Variants in FBXL7 observed in about 807,000 individuals in gnomAD.
FBXL7 encodes the protein F-box and leucine rich repeat protein 7.
Under a neutral mutation model 38.3 loss-of-function variants are expected in FBXL7, and 12 were observed. The observed-to-expected ratio is 0.31, with a 90% confidence interval of 0.20 to 0.51. The LOEUF (loss-of-function observed/expected upper bound fraction) is 0.51, where lower values mean the gene tolerates loss of function less well. FBXL7 is among the 20% of genes least tolerant of loss of function. The pLI, the probability that FBXL7 is intolerant of heterozygous loss-of-function variation, is 0.98. For missense variants in FBXL7, 567 were observed against 676.4 expected, an observed-to-expected ratio of 0.84 and a Z score of 1.79; for synonymous variants, 297 against 300.9, an observed-to-expected ratio of 0.99 and a Z score of 0.13.
chr5:15,711,588 G>C (rs1391454384), intron 2 of FBXL7, among the ~76,000 whole-genome samples: 1 of 152,156 alleles, frequency 6.6e-6, no homozygotes, highest in East Asian at 1.9e-4. Context: ...GAATTAAGTA[G>C]AGATTATGGC....
chr5:15,597,883 T>C (rs1241367073), intron 1 of FBXL7, among the ~76,000 whole-genome samples: 1 of 152,236 alleles, frequency 6.6e-6, no homozygotes, highest in Non-Finnish European at 1.5e-5. Flanking sequence ...AAAGCTATTA[T>C]ATTTTCAAAA....
At chr5:15,558,428 C>T (rs1238979918) in intron 1 of FBXL7, among the ~76,000 whole-genome samples, 1 of 152,182 alleles carries the variant, frequency 6.6e-6, no homozygotes, top group Non-Finnish European at 1.5e-5. Context: ...GATTCTGGCC[C>T]ATGCCTGTCA....
intron 2 of FBXL7, among the ~76,000 whole-genome samples, chr5:15,649,176 T>C (rs1037384558): frequency 6.6e-5 from 10 of 152,234 alleles, no homozygotes; most frequent in Admixed American, 3.9e-4. Flanking sequence ...TTTATATTTT[T>C]AGGAGAGGCG....
intron 2 of FBXL7, among the ~76,000 whole-genome samples, chr5:15,873,534 GA>G (rs1382795137): frequency 2.6e-5 from 4 of 151,998 alleles, no homozygotes; most frequent in Non-Finnish European, 5.9e-5. Context: ...TAATAAAGAA[GA>G]AAATAGAGAA....
intron 1 of FBXL7, chr5:15,580,763 T>G (rs985775948): frequency 1.0e-5 from 10 of 985,266 alleles, no homozygotes; most frequent in Non-Finnish European, 1.2e-5. Flanking sequence ...GGTGTGTGTT[T>G]CCAGACCGTC....
intron 1 of FBXL7, among the ~76,000 whole-genome samples, chr5:15,590,154 G>C (rs1739427849): frequency 6.6e-6 from 1 of 152,154 alleles, no homozygotes; most frequent in South Asian, 2.1e-4. Flanking sequence ...TGGACAGACT[G>C]GGCCACGTTT....
chr5:15,550,801 T>C (rs1738044596), intron 1 of FBXL7, among the ~76,000 whole-genome samples: 1 of 152,212 alleles, frequency 6.6e-6, no homozygotes, highest in South Asian at 2.1e-4. Flanking sequence ...TAATGAGACC[T>C]CTGTCATCTC....
intron 2 of FBXL7, among the ~76,000 whole-genome samples, chr5:15,884,425 C>T (rs1442998256): frequency 6.6e-6 from 1 of 152,036 alleles, no homozygotes; most frequent in African/African-American, 2.4e-5. Flanking sequence ...TGCTACCACG[C>T]CCGGCTAATT....
intron 2 of FBXL7, among the ~76,000 whole-genome samples, chr5:15,912,243 GC>G (rs1741449904): frequency 1.2e-5 from 1 of 82,122 alleles, no homozygotes; most frequent in Non-Finnish European, 2.3e-5. Context: ...CGTTTCTTAA[GC>G]CGGTCTGAAA....
intron 2 of FBXL7, among the ~76,000 whole-genome samples, chr5:15,710,447 G>A (rs996075392): frequency 3.3e-5 from 5 of 152,100 alleles, no homozygotes; most frequent in African/African-American, 9.7e-5. Flanking sequence ...TACTCACAGC[G>A]AGACCTTCCA....
chr5:15,921,687 T>C (rs1741746148), intron 2 of FBXL7, among the ~76,000 whole-genome samples: 2 of 152,156 alleles, frequency 1.3e-5, no homozygotes, highest in Admixed American at 1.3e-4. Context: ...AGCAAAAGAC[T>C]TAAATAGAAA....
chr5:15,824,291 G>A (rs1340598047), intron 2 of FBXL7, among the ~76,000 whole-genome samples: 7 of 106,546 alleles, frequency 6.6e-5, no homozygotes, highest in South Asian at 3.6e-4. Context: ...GCAAGACTCC[G>A]TCTCAAAAAA....
chr5:15,625,145 C>A (rs990838146), intron 2 of FBXL7, among the ~76,000 whole-genome samples: 13 of 152,134 alleles, frequency 8.5e-5, no homozygotes, highest in African/African-American at 3.1e-4. Flanking sequence ...AGAAAATGGA[C>A]TAAGACAGTT....
chr5:15,928,186 C>T lies in FBXL7; in HGVS notation c.424C>T (p.Arg142Cys), dbSNP rs1311959635. The T allele has an allele frequency of 1.2e-6, 2 of 1,609,430 alleles. No individual in the cohort carries two copies. The highest frequency in any genetic ancestry group is 2.2e-5 in the East Asian group (1 of 44,582). The change falls in exon 3 of 4, where the codon CGC becomes TGC. Residue 142 changes from arginine to cysteine, a missense_variant. Arg to Cys is a radical substitution (Grantham distance 180). Coordinates refer to ENST00000504595, the MANE Select transcript of FBXL7 (RefSeq NM_012304.5). The surrounding 1 kb of genome is among the most constrained non-coding windows in gnomAD (Gnocchi z 4.0). ...NQLCRCARVC[R>C]RWYNLAWDPR... ...GCTGTGCCGCTGCGCGCGAGTGTGCCGCCGCTGGTACAACCTGGCCTGGGA... is the reference window on the plus strand; with the variant it reads ...GCTGTGCCGCTGCGCGCGAGTGTGCTGCCGCTGGTACAACCTGGCCTGGGA...
chr5:15,932,713 C>A (rs542252849), intron 3 of FBXL7, among the ~76,000 whole-genome samples: 2 of 152,154 alleles, frequency 1.3e-5, no homozygotes, highest in African/African-American at 4.8e-5. Context: ...TACCTGGACT[C>A]CATATCTATT....
At chr5:15,739,477 C>T (rs1470880370) in intron 2 of FBXL7, among the ~76,000 whole-genome samples, 1 of 152,118 alleles carries the variant, frequency 6.6e-6, no homozygotes, top group Non-Finnish European at 1.5e-5. Context: ...CAACCGTCAC[C>T]ACAATCTAAT....
intron 1 of FBXL7, among the ~76,000 whole-genome samples, chr5:15,529,949 T>C (rs1369947845): frequency 1.3e-5 from 2 of 152,196 alleles, no homozygotes; most frequent in East Asian, 3.9e-4. Flanking sequence ...TAGGGGTGGC[T>C]TCACGGTAGC....
At chr5:15,565,186 T>G (rs1738531156) in intron 1 of FBXL7, among the ~76,000 whole-genome samples, 1 of 152,136 alleles carries the variant, frequency 6.6e-6, no homozygotes, top group Non-Finnish European at 1.5e-5. Flanking sequence ...AAAATATGAT[T>G]AGCTTGTGCT....
chr5:15,824,494 A>G (rs897468058), intron 2 of FBXL7, among the ~76,000 whole-genome samples: 1 of 151,972 alleles, frequency 6.6e-6, no homozygotes, highest in African/African-American at 2.4e-5. Context: ...ACTGTTCTTC[A>G]GAGTTGCTAA....
Sources: gnomAD v4.1 joint callset for allele counts (sites outside exome capture counted in the v4.1 genomes callset) on GRCh38, gnomAD v4.1.1 for gene constraint, Gnocchi (gnomAD v3.1) non-coding constraint, MANE v1.5 for transcripts, NCBI Gene and HGNC (gene_info 2026-07-23, HGNC 2026-07-21) for gene names.